INTU: variants seen among roughly 807,000 people sequenced by gnomAD.
INTU encodes the protein protein inturned.
Under a neutral mutation model 100.5 loss-of-function variants are expected in INTU, and 68 were observed. The observed-to-expected ratio is 0.68, with a 90% CI of 0.56 to 0.83. The LOEUF (loss-of-function observed/expected upper bound fraction) is 0.83, where lower values mean the gene tolerates loss of function less well. INTU is among the 40% of genes least tolerant of loss of function. INTU has a pLI of 0.00. For missense variants in INTU, 1,071 were observed against 1,114.7 expected (o/e 0.96, Z 0.56); for synonymous variants, 357 against 395.7 (o/e 0.90, Z 1.16).
At chr4:127,635,014 G>C (rs1578516976) in intron 1 of INTU, among the ~76,000 whole-genome samples, 1 of 152,296 alleles carries the variant, frequency 6.6e-6, no homozygotes, top group African/African-American at 2.4e-5. Flanking sequence ...CATGGACTAC[G>C]TGAAGCTTAC....
chr4:127,711,040 A>G lies in INTU; in HGVS notation c.2497A>G (p.Lys833Glu), dbSNP rs1357582640. The change falls in exon 14 of 16, where the codon AAG becomes GAG. Residue 833 changes from lysine (K) to glutamate (E), a missense_variant. Physicochemically the swap from Lys to Glu is moderately conservative, Grantham distance 56. Transcript: ENST00000335251. The stretch of plus-strand genomic sequence containing the variant: ...TGGCTCTATCCACCCTCAGCTAATA[A>G]AGAATTTCCATCAGTGTTGTCTTTC... Reference protein sequence around the residue: ...LSGSIHPQLIKNFHQCCLSIR... With the variant: ...LSGSIHPQLIENFHQCCLSIR... The G allele has an allele frequency of 2.5e-6, 4 of 1,609,796 alleles. No homozygotes were observed. The South Asian group carries it at 4.4e-5, about 18-fold the overall frequency.
intron 6 of INTU, among the ~76,000 whole-genome samples, chr4:127,676,541 C>G (rs1281087615): frequency 6.7e-6 from 1 of 149,934 alleles, no homozygotes; most frequent in Non-Finnish European, 1.5e-5. Context: ...AGCTGTGATG[C>G]TGCCACTGTA....
rs550011320 is a variant in INTU, at chr4:127,662,287, C to T, written c.769-1094C>T. Among the ~76,000 whole-genome samples, 13 of 152,058 alleles carry T rather than the reference C, an allele frequency of 8.5e-5. 1 individual carries two copies. In the South Asian group the frequency reaches 2.7e-3, roughly 32 times the overall value. ...CAAAAGCTTTTTAGTTTAATTGGGT[C>T]CCATTTATTTATTTTCGTTTTTGTT... On this transcript the variant is annotated intron_variant, in intron 3 of 15. Coordinates refer to ENST00000335251, the MANE Select transcript of INTU (RefSeq NM_015693.4).
At chr4:127,670,980 T>G (rs899537756) in intron 5 of INTU, among the ~76,000 whole-genome samples, 2 of 152,070 alleles carry the variant, frequency 1.3e-5, no homozygotes, top group African/African-American at 4.8e-5. Context: ...GATTAAAGAC[T>G]TAAGTGTAAT....
intron 5 of INTU, among the ~76,000 whole-genome samples, chr4:127,673,238 G>C (rs1484872465): frequency 6.6e-6 from 1 of 151,932 alleles, no homozygotes. Flanking sequence ...AGTGCATGGT[G>C]CAATCATGGC....
intron 8 of INTU, among the ~76,000 whole-genome samples, chr4:127,690,385 C>T (rs142531705): frequency 1.1e-3 from 162 of 152,230 alleles, no homozygotes; most frequent in Non-Finnish European, 1.9e-3. Flanking sequence ...ATCCTTGTTA[C>T]GTCTAACACT....
rs2148732430 is a variant in INTU, at chr4:127,706,683, C to A, written c.1985C>A (p.Thr662Asn). The A allele has an allele frequency of 6.2e-7, 1 of 1,614,082 alleles. No individual in the cohort carries two copies. Among genetic ancestry groups the A allele is most frequent in the East Asian group, 2.2e-5 (1 of 44,878 alleles). The change falls in exon 12 of 16, where the codon ACT becomes AAT. Residue 662 changes from threonine to asparagine, a missense_variant. Physicochemically the swap from Thr to Asn is moderately conservative, Grantham distance 65. Transcript: ENST00000335251. ...TTGTCTTGTGCTGACTGGTTCCTTA[C>A]TGGATCACGTGAAAAAACAGATAGC... ...PCLSCADWFL[T>N]GSREKTDSLT...
intron 1 of INTU, 138 bp downstream of exon 1, chr4:127,633,318 AC>A: frequency 1.2e-6 from 1 of 815,088 alleles, no homozygotes; most frequent in Non-Finnish European, 1.9e-6. Flanking sequence ...ATTTAATTGC[AC>A]CACGTTCCAT....
At chr4:127,661,007 G>T (rs1459533037) in intron 3 of INTU, among the ~76,000 whole-genome samples, 1 of 152,044 alleles carries the variant, frequency 6.6e-6, no homozygotes, top group Non-Finnish European at 1.5e-5. Context: ...CCTGACATTT[G>T]TAGCTACTTA....
At chr4:127,653,804 C>A (rs1728031949) in intron 2 of INTU, among the ~76,000 whole-genome samples, 1 of 151,604 alleles carries the variant, frequency 6.6e-6, no homozygotes, top group Non-Finnish European at 1.5e-5. Context: ...GTTGATCTGT[C>A]TAATGTTGAC....
intron 13 of INTU, among the ~76,000 whole-genome samples, chr4:127,709,047 G>T (rs1280737339): frequency 6.6e-5 from 10 of 152,170 alleles, no homozygotes; most frequent in Non-Finnish European, 1.5e-4. Flanking sequence ...CAACACTTGA[G>T]AATGGTGGCT....
At chr4:127,645,216 G>C (rs1249019167) in intron 2 of INTU, among the ~76,000 whole-genome samples, 5 of 152,196 alleles carry the variant, frequency 3.3e-5, no homozygotes, top group Non-Finnish European at 5.9e-5. Context: ...GAATCTGGGT[G>C]GGCCGGTGAC....
intron 6 of INTU, among the ~76,000 whole-genome samples, chr4:127,683,464 C>T (rs918121092): frequency 2.5e-4 from 38 of 152,328 alleles, no homozygotes; most frequent in African/African-American, 8.9e-4. Flanking sequence ...TGTCAACTTA[C>T]ACGTCTTCGT....
chr4:127,689,340 A>C (rs560997269), intron 8 of INTU, among the ~76,000 whole-genome samples: 1 of 151,984 alleles, frequency 6.6e-6, no homozygotes, highest in South Asian at 2.1e-4. Context: ...AATTCTACCT[A>C]ATATTTTCAT....
chr4:127,662,484 T>A (rs1409422354), intron 3 of INTU, among the ~76,000 whole-genome samples: 3 of 152,200 alleles, frequency 2.0e-5, no homozygotes, highest in African/African-American at 7.2e-5. Flanking sequence ...TATGTGTGGC[T>A]ATCCAATTTT....
chr4:127,695,335 G>C (rs1241982032), intron 8 of INTU, among the ~76,000 whole-genome samples: 8 of 152,188 alleles, frequency 5.3e-5, no homozygotes, highest in Admixed American at 5.2e-4. Context: ...CTTGGGTGCA[G>C]TGGCTTATGC....
At chr4:127,702,861 A>G (rs1391239256) in intron 9 of INTU, among the ~76,000 whole-genome samples, 1 of 152,028 alleles carries the variant, frequency 6.6e-6, no homozygotes, top group Non-Finnish European at 1.5e-5. Context: ...TGCCTTTTCC[A>G]GGATGTAATA....
At chr4:127,660,278 G>C (rs1260592365) in intron 3 of INTU, among the ~76,000 whole-genome samples, 1 of 152,176 alleles carries the variant, frequency 6.6e-6, no homozygotes, top group Non-Finnish European at 1.5e-5. Flanking sequence ...GTTTTGTCTT[G>C]AGTCACTCAG....
intron 6 of INTU, among the ~76,000 whole-genome samples, chr4:127,682,425 TA>T (rs1166304915): frequency 2.0e-5 from 3 of 151,948 alleles, no homozygotes; most frequent in Non-Finnish European, 2.9e-5. Flanking sequence ...TATGCAGCCA[TA>T]AAAAAGGATG....
Sources: allele counts gnomAD v4.1 joint callset (sites outside exome capture counted in the v4.1 genomes callset), GRCh38; gene constraint gnomAD v4.1.1; transcripts MANE v1.5; gene names NCBI Gene and HGNC (gene_info 2026-07-23, HGNC 2026-07-21).